ATP10B: variants seen among roughly 807,000 people sequenced by gnomAD.
ATP10B encodes the protein phospholipid-transporting ATPase VB.
Under a neutral mutation model 141.2 loss-of-function variants are expected in ATP10B, and 122 were observed. That is an observed-to-expected ratio of 0.86 (90% CI 0.75 to 1.00). ATP10B has a LOEUF of 1.00. Ranked by LOEUF, ATP10B falls within the 50% of genes least tolerant of loss-of-function variation. ATP10B has a pLI of 0.00. For synonymous variants in ATP10B, 685 were observed against 692.0 expected, an observed-to-expected ratio of 0.99 and a Z score of 0.16; for missense variants, 1,876 against 1,825.3, an observed-to-expected ratio of 1.03 and a Z score of -0.51.
At chr5:160,881,676 G>A in the ATP10B span, among the ~76,000 whole-genome samples, 3 of 151,898 alleles carry the variant, frequency 2.0e-5, no homozygotes, top group Admixed American at 6.6e-5. Context: ...TCCGGGCGTG[G>A]GGTGGGCGCC....
chr5:160,913,843 AGCAAATTGCAATTCCTGAAACTCG>A, the ATP10B span, among the ~76,000 whole-genome samples: 1 of 152,246 alleles, frequency 6.6e-6, no homozygotes, highest in East Asian at 1.9e-4. Flanking sequence ...CCAATCTCTT[AGCAAATTGCAATTCCTGAAACTCG>A]GTCCCTTTGG....
chr5:160,780,736 C>T (rs1483914404), intron 2 of ATP10B, among the ~76,000 whole-genome samples: 1 of 152,136 alleles, frequency 6.6e-6, no homozygotes, highest in Admixed American at 6.5e-5. Context: ...AATTCATGAT[C>T]TACTCAGGTC....
At position 160,723,854 on chromosome 5, in the gene ATP10B, G is replaced by T. The variant is rs188825201; in HGVS notation, c.-330-6820C>A. ...ACGTACGTTCACTGTAGCATGAGTCGCAATAGAAAAGACATGGAATCAACT... is the reference window on the plus strand; with the variant it reads ...ACGTACGTTCACTGTAGCATGAGTCTCAATAGAAAAGACATGGAATCAACT... On this transcript the variant is annotated intron_variant, in intron 2 of 25. Transcript: ENST00000327245. Among the ~76,000 whole-genome samples the T allele has an allele frequency of 4.6e-5, 7 of 152,052 alleles. No homozygotes were observed. In the East Asian group the frequency reaches 5.8e-4, roughly 13 times the overall value.
the ATP10B span, among the ~76,000 whole-genome samples, chr5:160,892,073 C>G: frequency 6.6e-6 from 1 of 152,210 alleles, no homozygotes; most frequent in Admixed American, 6.5e-5. Context: ...TTGCTTCAGT[C>G]AGTAAATTAA....
intron 24 of ATP10B, among the ~76,000 whole-genome samples, chr5:160,576,357 C>T (rs1755185266): frequency 6.6e-6 from 1 of 152,148 alleles, no homozygotes; most frequent in South Asian, 2.1e-4. Flanking sequence ...ATTGAGAAAC[C>T]AAGCACATCC....
chr5:160,828,798 G>A (rs1044258590), intron 1 of ATP10B, among the ~76,000 whole-genome samples: 8 of 151,402 alleles, frequency 5.3e-5, no homozygotes. Flanking sequence ...CAAAGACTTG[G>A]AACCAACCCA....
intron 1 of ATP10B, among the ~76,000 whole-genome samples, chr5:160,787,920 G>A (rs566006360): frequency 2.6e-5 from 4 of 152,208 alleles, no homozygotes; most frequent in East Asian, 1.9e-4. Flanking sequence ...TAAGAAGAAC[G>A]TTTCAATTAA....
chr5:160,744,938 C>A (rs927635611), intron 2 of ATP10B, among the ~76,000 whole-genome samples: 2 of 152,214 alleles, frequency 1.3e-5, no homozygotes, highest in African/African-American at 4.8e-5. Context: ...AGGAGCTGAG[C>A]AGCAGGGCAG....
intron 3 of ATP10B, among the ~76,000 whole-genome samples, chr5:160,689,354 A>C (rs112512851): frequency 0.25 from 38,358 of 152,104 alleles, 5,987 homozygotes; most frequent in East Asian, 0.69. Flanking sequence ...CCTGTTCAAC[A>C]TAGTGTTGGA....
intron 1 of ATP10B, among the ~76,000 whole-genome samples, chr5:160,839,590 A>G (rs762787993): frequency 6.6e-6 from 1 of 152,164 alleles, no homozygotes; most frequent in Non-Finnish European, 1.5e-5. Flanking sequence ...CACAGTAAAT[A>G]TAGTGCTTAT....
chr5:160,631,022 T>A (rs1484709248), intron 13 of ATP10B, among the ~76,000 whole-genome samples: 2 of 152,200 alleles, frequency 1.3e-5, no homozygotes, highest in East Asian at 3.8e-4. Flanking sequence ...ATATGTACCA[T>A]GATTACAAAA....
At chr5:160,894,062 G>A in the ATP10B span, among the ~76,000 whole-genome samples, 3 of 152,042 alleles carry the variant, frequency 2.0e-5, no homozygotes, top group South Asian at 6.2e-4. Context: ...AAAGACAAAA[G>A]GTAGATAAAT....
intron 2 of ATP10B, among the ~76,000 whole-genome samples, chr5:160,722,371 T>C (rs1350169977): frequency 2.0e-5 from 3 of 152,222 alleles, no homozygotes; most frequent in Non-Finnish European, 4.4e-5. Flanking sequence ...GAGGCTTCAC[T>C]TTGTACTCAT....
the ATP10B span, among the ~76,000 whole-genome samples, chr5:160,867,747 C>A: frequency 6.6e-6 from 1 of 151,864 alleles, no homozygotes; most frequent in Admixed American, 6.6e-5. Flanking sequence ...GATGTGAATC[C>A]CCTTTTCAAA....
At chr5:160,820,807 T>C (rs972373155) in intron 1 of ATP10B, among the ~76,000 whole-genome samples, 17 of 152,136 alleles carry the variant, frequency 1.1e-4, no homozygotes, top group African/African-American at 4.1e-4. Flanking sequence ...GCCATTTCTA[T>C]TGATGCTGAA....
chr5:160,821,670 G>A (rs2127962631), intron 1 of ATP10B, among the ~76,000 whole-genome samples: 1 of 152,058 alleles, frequency 6.6e-6, no homozygotes, highest in South Asian at 2.1e-4. Context: ...ACATAGATCA[G>A]CAGAGCAGAA....
At chr5:160,754,483 G>A (rs1768375645) in intron 2 of ATP10B, among the ~76,000 whole-genome samples, 1 of 152,182 alleles carries the variant, frequency 6.6e-6, no homozygotes, top group Non-Finnish European at 1.5e-5. Flanking sequence ...GGTATGGCAA[G>A]GGTCTGTGGA....
At chr5:160,675,878 A>AC (rs1554103247) in intron 6 of ATP10B, among the ~76,000 whole-genome samples, 1 of 41,244 alleles carries the variant, frequency 2.4e-5, no homozygotes, top group African/African-American at 7.7e-5. Context: ...GGGGTGGGGG[A>AC]GGGGGGGCGA....
chr5:160,726,948 G>T (rs1025410345), intron 2 of ATP10B, among the ~76,000 whole-genome samples: 1 of 152,236 alleles, frequency 6.6e-6, no homozygotes, highest in Admixed American at 6.5e-5. Flanking sequence ...CGGGGGTGGG[G>T]TGGGGGACTT....
Sources: allele counts gnomAD v4.1 joint callset (sites outside exome capture counted in the v4.1 genomes callset), GRCh38; gene constraint gnomAD v4.1.1; transcripts MANE v1.5; gene names NCBI Gene and HGNC (gene_info 2026-07-23, HGNC 2026-07-21).